PCDH9: variants seen among roughly 807,000 people sequenced by gnomAD.
The protein encoded by PCDH9 is protocadherin 9.
A neutral mutation model predicts 70.6 loss-of-function variants in PCDH9; 24 were observed. The ratio of observed to expected loss-of-function variants is 0.34; its 90% CI spans 0.25 to 0.48. PCDH9 has a LOEUF of 0.48. Among genes scored for constraint, PCDH9 ranks in the 20% least tolerant of loss-of-function variants. The pLI, the probability that PCDH9 is intolerant of heterozygous loss-of-function variation, is 0.99. For synonymous variants in PCDH9, 562 were observed against 558.5 expected (o/e 1.01, Z -0.09); for missense variants, 1,281 against 1,503.6 (o/e 0.85, Z 2.45).
intron 2 of PCDH9, among the ~76,000 whole-genome samples, chr13:67,067,629 TCACC>T (rs2085675558): frequency 6.6e-6 from 1 of 151,770 alleles, no homozygotes; most frequent in South Asian, 2.1e-4. Flanking sequence ...TTTTAAAAAA[TCACC>T]AAAGCTAATA....
intron 3 of PCDH9, among the ~76,000 whole-genome samples, chr13:66,792,533 G>A (rs985526055): frequency 2.0e-5 from 3 of 152,132 alleles, no homozygotes. Context: ...GCTGGGCTTG[G>A]TGGCGCATGC....
chr13:67,121,189 A>T (rs961978372), intron 2 of PCDH9, among the ~76,000 whole-genome samples: 6 of 152,202 alleles, frequency 3.9e-5, no homozygotes, highest in Admixed American at 1.3e-4. Context: ...ACTTTAAAAA[A>T]TTTTTGGAAT....
chr13:66,322,690 A>T lies in PCDH9; in HGVS notation c.3341-17662T>A, dbSNP rs1955776319. On this transcript the variant is annotated intron_variant, in intron 4 of 4. Transcript: ENST00000377865. ...AGATAGAAAAATACTCTATACAGGC[A>T]TTGGAAATTATATACTCTAAGAATC... Among the ~76,000 whole-genome samples, 3 of 152,042 alleles carry T rather than the reference A, an allele frequency of 2.0e-5. No homozygotes were observed. In the South Asian group the frequency reaches 6.2e-4, roughly 31 times the overall value.
chr13:66,632,039 G>A lies in PCDH9; in HGVS notation c.3139-628C>T, dbSNP rs536547323. On this transcript the variant is annotated intron_variant, in intron 3 of 4. Transcript: ENST00000377865. ...CTTCCAAGTAGCTGGGATTTCAGGC[G>A]CATGCCACCATGCCCGGCTGAATTT... 7.2e-5 allele frequency among the ~76,000 whole-genome samples: 11 copies of A among 152,204 alleles called. No homozygotes were observed. The South Asian group carries it at 8.3e-4, about 11-fold the overall frequency.
intron 3 of PCDH9, among the ~76,000 whole-genome samples, chr13:66,678,961 C>G (rs181246267): frequency 2.0e-5 from 3 of 150,976 alleles, no homozygotes; most frequent in South Asian, 2.1e-4. Flanking sequence ...ATATATACAT[C>G]CAGTATATAT....
intron 4 of PCDH9, among the ~76,000 whole-genome samples, chr13:66,503,458 T>C (rs7335416): frequency 0.045 from 6,803 of 152,308 alleles, 500 homozygotes; most frequent in African/African-American, 0.15. Context: ...TAACTTTAAA[T>C]AATACTACAC....
chr13:66,922,414 A>G (rs2082651213), intron 2 of PCDH9, among the ~76,000 whole-genome samples: 1 of 151,394 alleles, frequency 6.6e-6, no homozygotes. Context: ...AGACAACTGT[A>G]GTACACTTTG....
At chr13:66,933,539 C>A (rs2082851587) in intron 2 of PCDH9, among the ~76,000 whole-genome samples, 2 of 152,032 alleles carry the variant, frequency 1.3e-5, no homozygotes, top group African/African-American at 2.4e-5. Flanking sequence ...TTTATTAGAC[C>A]CCAGTATCTA....
chr13:66,361,609 A>C (rs1956472300), intron 4 of PCDH9, among the ~76,000 whole-genome samples: 1 of 152,116 alleles, frequency 6.6e-6, no homozygotes, highest in Non-Finnish European at 1.5e-5. Context: ...GAGCTCCTGA[A>C]ATAATTTTAA....
At chr13:66,813,893 G>A (rs1346912671) in intron 3 of PCDH9, among the ~76,000 whole-genome samples, 1 of 152,082 alleles carries the variant, frequency 6.6e-6, no homozygotes, top group Non-Finnish European at 1.5e-5. Context: ...CAGAGGTCAA[G>A]TTGAAAAATA....
At chr13:66,905,451 A>G (rs766786920) in intron 2 of PCDH9, among the ~76,000 whole-genome samples, 1 of 152,132 alleles carries the variant, frequency 6.6e-6, no homozygotes, top group Non-Finnish European at 1.5e-5. Context: ...CCCACCTCAC[A>G]TCAGTTAAAT....
At position 66,421,423 on chromosome 13, in the gene PCDH9, G is replaced by A. The variant is rs116749610; in HGVS notation, c.3341-116395C>T. ...AAGGAAAAAATGTTAAGGGCAGCTAGGGAAAAAGGTCTGGTTACCCACAAA... is the reference window on the plus strand; with the variant it reads ...AAGGAAAAAATGTTAAGGGCAGCTAAGGAAAAAGGTCTGGTTACCCACAAA... On this transcript the variant is annotated intron_variant, in intron 4 of 4. Coordinates refer to ENST00000377865, the MANE Select transcript of PCDH9 (RefSeq NM_203487.3). Among the ~76,000 whole-genome samples, 732 of 152,284 alleles carry A rather than the reference G, an allele frequency of 4.8e-3. 12 individuals are homozygous for A. The highest frequency in any genetic ancestry group is 0.017 in the African/African-American group (710 of 41,556).
At chr13:66,447,811 T>C (rs925282151) in intron 4 of PCDH9, among the ~76,000 whole-genome samples, 1 of 152,154 alleles carries the variant, frequency 6.6e-6, no homozygotes, top group Non-Finnish European at 1.5e-5. Flanking sequence ...AAGGGGAAAG[T>C]AAAACATAAT....
rs1318352804 is a variant in PCDH9, at chr13:66,666,742, AT to A, written c.3139-35332del. On this transcript the variant is annotated intron_variant, in intron 3 of 4. Transcript: ENST00000377865. ...ATACACTAAATAGACTACTGTGAGA[AT>A]CAGAGATCTTCACATTCTATTAACT... Among the ~76,000 whole-genome samples, 15 of 151,942 alleles carry A rather than the reference AT, an allele frequency of 9.9e-5. No homozygotes were observed. In the East Asian group the frequency reaches 2.9e-3, roughly 30 times the overall value.
chr13:66,341,551 C>T (rs1022873443), intron 4 of PCDH9, among the ~76,000 whole-genome samples: 2 of 152,136 alleles, frequency 1.3e-5, no homozygotes, highest in Non-Finnish European at 2.9e-5. Flanking sequence ...TGAATCTGAA[C>T]CCGCATTTTA....
intron 2 of PCDH9, among the ~76,000 whole-genome samples, chr13:67,022,452 T>C (rs909686324): frequency 9.2e-5 from 14 of 152,264 alleles, no homozygotes; most frequent in African/African-American, 2.9e-4. Context: ...GACTTGAATA[T>C]TGAATCAAAA....
rs563192346 is a variant in PCDH9, at chr13:66,872,545, C to T, written c.3138+30959G>A. On this transcript the variant is annotated intron_variant, in intron 3 of 4. Coordinates refer to ENST00000377865, the MANE Select transcript of PCDH9 (RefSeq NM_203487.3). ...TAAGTTAAAAAGTTTAAAAACAGCA[C>T]GAAGAAATTTTATTAAAATTTAATA... Among the ~76,000 whole-genome samples, 6 of 151,800 alleles carry T rather than the reference C, an allele frequency of 4.0e-5. No homozygotes were observed. In the East Asian group the frequency reaches 9.7e-4, roughly 24 times the overall value.
At chr13:66,941,125 T>C (rs1171680778) in intron 2 of PCDH9, among the ~76,000 whole-genome samples, 2 of 151,862 alleles carry the variant, frequency 1.3e-5, no homozygotes, top group African/African-American at 4.8e-5. Flanking sequence ...GAACTTACAG[T>C]ATTTATGATA....
chr13:66,808,901 T>G (rs1257612807), intron 3 of PCDH9, among the ~76,000 whole-genome samples: 4 of 152,194 alleles, frequency 2.6e-5, no homozygotes, highest in African/African-American at 7.2e-5. Context: ...ACATTATATT[T>G]TGAGAAGCCC....
Sources: allele counts gnomAD v4.1 joint callset (sites outside exome capture counted in the v4.1 genomes callset), GRCh38; gene constraint gnomAD v4.1.1; transcripts MANE v1.5; gene names NCBI Gene and HGNC (gene_info 2026-07-23, HGNC 2026-07-21).